ZMYM2: variants seen among roughly 807,000 people sequenced by gnomAD.
The protein encoded by ZMYM2 is zinc finger MYM-type containing 2, also known as zinc finger MYM-type protein 2.
In ZMYM2, 56 loss-of-function variants were observed where a neutral mutation model predicts 162.8. That is an observed-to-expected ratio of 0.34 (90% CI 0.28 to 0.43). ZMYM2 has a LOEUF of 0.43. Among genes scored for constraint, ZMYM2 ranks in the 20% least tolerant of loss-of-function variants. The probability of loss-of-function intolerance (pLI) is 1.00; values close to 1 mark genes in which losing one functional copy is unlikely to be tolerated. For missense variants in ZMYM2, 1,275 were observed against 1,621.8 expected (o/e 0.79, Z 3.67); for synonymous variants, 510 against 541.6 (o/e 0.94, Z 0.81).
chr13:20,018,897 T>C (rs900284270), intron 6 of ZMYM2, among the ~76,000 whole-genome samples: 3 of 152,158 alleles, frequency 2.0e-5, no homozygotes, highest in Non-Finnish European at 4.4e-5. Context: ...CTGGCCAACA[T>C]GGTGAAACCC....
chr13:20,071,432 C>CAA (rs1957079075), intron 21 of ZMYM2, among the ~76,000 whole-genome samples: 2 of 152,232 alleles, frequency 1.3e-5, no homozygotes, highest in African/African-American at 4.8e-5. Context: ...TGGGCCTGAG[C>CAA]AAGTGGCTCT....
At chr13:20,043,706 G>A (rs1385017642) in intron 12 of ZMYM2, among the ~76,000 whole-genome samples, 3 of 152,154 alleles carry the variant, frequency 2.0e-5, no homozygotes, top group Non-Finnish European at 4.4e-5. Flanking sequence ...GGGGCAAGGT[G>A]GGGGTGAAGT....
chr13:20,031,865 GT>G (rs10642086), intron 10 of ZMYM2, among the ~76,000 whole-genome samples: 41 of 130,272 alleles, frequency 3.1e-4, no homozygotes, highest in African/African-American at 1.0e-3. Context: ...TTCTGTAATT[GT>G]TTTTTTTTTT....
the ZMYM2 span, among the ~76,000 whole-genome samples, chr13:19,903,846 CA>C: frequency 0.089 from 12,623 of 141,994 alleles, 573 homozygotes; most frequent in Middle Eastern, 0.13. Context: ...GACCCTGTCT[CA>C]AAAAAAAAAA....
At chr13:19,995,352 TA>T (rs1374946795) in intron 3 of ZMYM2, among the ~76,000 whole-genome samples, 2 of 152,186 alleles carry the variant, frequency 1.3e-5, no homozygotes, top group Admixed American at 6.5e-5. Flanking sequence ...ATTTTACTAC[TA>T]AAAAATTTTT....
At chr13:19,911,383 T>C in the ZMYM2 span, among the ~76,000 whole-genome samples, 1 of 152,132 alleles carries the variant, frequency 6.6e-6, no homozygotes, top group Non-Finnish European at 1.5e-5. Flanking sequence ...TGACACAATT[T>C]ACAAACCTAG....
intron 22 of ZMYM2, 36 bp from the exon 23 acceptor site, chr13:20,082,745 A>G: frequency 1.4e-6 from 2 of 1,453,124 alleles, no homozygotes; most frequent in South Asian, 1.4e-5. Flanking sequence ...ACTTTTATTT[A>G]TTATAATTCT....
the ZMYM2 span, among the ~76,000 whole-genome samples, chr13:19,895,321 C>T: frequency 1.2e-4 from 18 of 151,938 alleles, no homozygotes; most frequent in East Asian, 1.5e-3. Flanking sequence ...GATATATTCC[C>T]TGTCTTAATC....
intron 2 of ZMYM2, among the ~76,000 whole-genome samples, chr13:19,968,968 A>G (rs566149504): frequency 7.9e-5 from 12 of 152,364 alleles, no homozygotes; most frequent in African/African-American, 2.4e-4. Context: ...AATTATATGC[A>G]TATCACAAAG....
chr13:19,912,752 CTGGT>C, the ZMYM2 span, among the ~76,000 whole-genome samples: 3 of 152,144 alleles, frequency 2.0e-5, no homozygotes, highest in Non-Finnish European at 4.4e-5. Flanking sequence ...TTTAGAGTTA[CTGGT>C]AAGCCACTTA....
At chr13:19,952,609 T>G in the ZMYM2 span, among the ~76,000 whole-genome samples, 1 of 152,200 alleles carries the variant, frequency 6.6e-6, no homozygotes, top group African/African-American at 2.4e-5. Flanking sequence ...AGGGCAATCT[T>G]TGTTAAGACT....
intron 21 of ZMYM2, among the ~76,000 whole-genome samples, chr13:20,069,841 G>GA (rs143112670): frequency 1.6e-4 from 24 of 146,404 alleles, no homozygotes; most frequent in Middle Eastern, 3.5e-3. Flanking sequence ...CAAAAACTCA[G>GA]AAAAAAAAAA....
intron 2 of ZMYM2, among the ~76,000 whole-genome samples, chr13:19,991,951 C>CT (rs1337177009): frequency 2.6e-5 from 4 of 152,136 alleles, no homozygotes; most frequent in Non-Finnish European, 5.9e-5. Flanking sequence ...TATAAGGGTA[C>CT]TTGTGAGTAC....
At chr13:20,025,041 A>T (rs1210899220) in intron 7 of ZMYM2, 1 of 212,564 alleles carries the variant, frequency 4.7e-6, no homozygotes, top group Non-Finnish European at 9.5e-6. Flanking sequence ...TGTTGATTGT[A>T]TTTTTTTATT....
At chr13:19,916,640 C>T in the ZMYM2 span, among the ~76,000 whole-genome samples, 1,296 of 148,870 alleles carry the variant, frequency 8.7e-3, 22 homozygotes, top group African/African-American at 0.031. Flanking sequence ...CATGTTCTCA[C>T]TCATAGGTGG....
At chr13:19,905,965 C>T in the ZMYM2 span, among the ~76,000 whole-genome samples, 1 of 151,814 alleles carries the variant, frequency 6.6e-6, no homozygotes. Context: ...TGGCAAGACC[C>T]CATCTCTATT....
At chr13:19,953,433 C>T in the ZMYM2 span, among the ~76,000 whole-genome samples, 4 of 151,988 alleles carry the variant, frequency 2.6e-5, no homozygotes, top group South Asian at 2.1e-4. Context: ...GCCTGTAATC[C>T]GAGCACTTTG....
At chr13:20,085,312 T>C (rs1346852112) in intron 24 of ZMYM2, among the ~76,000 whole-genome samples, 1 of 152,170 alleles carries the variant, frequency 6.6e-6, no homozygotes, top group African/African-American at 2.4e-5. Flanking sequence ...TTGGCTGCAG[T>C]AGTGTCAGGG....
At chr13:19,887,130 A>G in the ZMYM2 span, among the ~76,000 whole-genome samples, 10 of 151,936 alleles carry the variant, frequency 6.6e-5, no homozygotes, top group Admixed American at 5.9e-4. Flanking sequence ...TTGTTTTTTC[A>G]TTAAGTGGCA....
Sources: gnomAD v4.1 joint callset for allele counts (sites outside exome capture counted in the v4.1 genomes callset) on GRCh38, gnomAD v4.1.1 for gene constraint, MANE v1.5 for transcripts, NCBI Gene and HGNC (gene_info 2026-07-23, HGNC 2026-07-21) for gene names.